BMERB1: variants seen among roughly 807,000 people sequenced by gnomAD.
The protein encoded by BMERB1 is bMERB domain-containing protein 1.
Under a neutral mutation model 23.6 loss-of-function variants are expected in BMERB1, and 12 were observed. The observed-to-expected ratio is 0.51, with a 90% confidence interval of 0.33 to 0.82. The LOEUF (loss-of-function observed/expected upper bound fraction) is 0.82, where lower values mean the gene tolerates loss of function less well. Among genes scored for constraint, BMERB1 ranks in the 40% least tolerant of loss-of-function variants. BMERB1 has a pLI of 0.03. For missense variants in BMERB1, 247 were observed against 255.4 expected (o/e 0.97, Z 0.22); for synonymous variants, 122 against 96.6 (o/e 1.26, Z -1.54).
intron 1 of BMERB1, among the ~76,000 whole-genome samples, chr16:15,497,856 C>T (rs1186003999): frequency 1.3e-5 from 2 of 152,168 alleles, no homozygotes; most frequent in South Asian, 2.1e-4. Context: ...GTGGTTATCA[C>T]AGCAGCGTTC....
intron 1 of BMERB1, among the ~76,000 whole-genome samples, chr16:15,478,040 T>TA (rs1396492986): frequency 6.6e-6 from 1 of 152,210 alleles, no homozygotes; most frequent in Non-Finnish European, 1.5e-5. Flanking sequence ...TTTTGACTTT[T>TA]AATGAGTCAA....
intron 3 of BMERB1, among the ~76,000 whole-genome samples, chr16:15,579,670 A>AT (rs796426274): frequency 4.6e-5 from 7 of 150,604 alleles, no homozygotes; most frequent in African/African-American, 1.5e-4. Context: ...TCTTTTTTTT[A>AT]TTTTTTCTCT....
intron 1 of BMERB1, among the ~76,000 whole-genome samples, chr16:15,464,110 C>T (rs1405110353): frequency 6.6e-6 from 1 of 151,770 alleles, no homozygotes; most frequent in Admixed American, 6.6e-5. Context: ...GTCAGGAGTT[C>T]GAGACCAGCC....
rs527332166 is a variant in BMERB1 at position 15,516,195 on chromosome 16, G to A, written c.230+767G>A. On this transcript the variant is annotated intron_variant, in intron 2 of 5. Coordinates refer to ENST00000300006, the MANE Select transcript of BMERB1 (RefSeq NM_033201.3). ...TCACAGCACTTTGGGAGGCTGAGGC[G>A]GGATGATCGCTTGAGCCCAGGAGTT... Among the ~76,000 whole-genome samples the A allele has an allele frequency of 5.3e-5, 8 of 152,144 alleles. No individual in the cohort carries two copies. In the South Asian group the frequency reaches 8.3e-4, roughly 16 times the overall value.
intron 1 of BMERB1, among the ~76,000 whole-genome samples, chr16:15,448,697 C>T (rs1454507411): frequency 2.6e-5 from 4 of 152,162 alleles, no homozygotes; most frequent in African/African-American, 7.2e-5. Flanking sequence ...GAGGCTGAGG[C>T]ATGAGAATCG....
chr16:15,468,188 A>G (rs1240562610), intron 1 of BMERB1, among the ~76,000 whole-genome samples: 3 of 110,678 alleles, frequency 2.7e-5, no homozygotes, highest in Admixed American at 1.4e-4. Flanking sequence ...GTCTGTCACC[A>G]AGTCTGGAGT....
At chr16:15,537,741 T>G (rs1800663723) in intron 2 of BMERB1, among the ~76,000 whole-genome samples, 1 of 151,788 alleles carries the variant, frequency 6.6e-6, no homozygotes, top group South Asian at 2.1e-4. Context: ...TACTGCAGCC[T>G]TGAACTCCTG....
At chr16:15,464,571 G>A (rs1042338574) in intron 1 of BMERB1, among the ~76,000 whole-genome samples, 3 of 152,158 alleles carry the variant, frequency 2.0e-5, no homozygotes, top group African/African-American at 7.2e-5. Flanking sequence ...GTAAACAAGA[G>A]GTGGATTATT....
At chr16:15,505,371 G>C (rs1182128222) in intron 1 of BMERB1, among the ~76,000 whole-genome samples, 1 of 152,156 alleles carries the variant, frequency 6.6e-6, no homozygotes, top group Non-Finnish European at 1.5e-5. Context: ...TTTGGTGCTA[G>C]CTTTGTCTTT....
At chr16:15,539,608 C>T (rs2052059171) in intron 2 of BMERB1, among the ~76,000 whole-genome samples, 1 of 151,880 alleles carries the variant, frequency 6.6e-6, no homozygotes, top group Non-Finnish European at 1.5e-5. Flanking sequence ...CTTTGGGAGG[C>T]CTAGGTGGGA....
chr16:15,520,101 A>G (rs771961233), intron 2 of BMERB1, among the ~76,000 whole-genome samples: 1 of 152,036 alleles, frequency 6.6e-6, no homozygotes, highest in Non-Finnish European at 1.5e-5. Context: ...ACCCCAATAG[A>G]GTAAGTTCTA....
chr16:15,540,470 G>T (rs1486473352), intron 2 of BMERB1, among the ~76,000 whole-genome samples: 1 of 152,052 alleles, frequency 6.6e-6, no homozygotes, highest in African/African-American at 2.4e-5. Context: ...AGGTTGCAGT[G>T]AGCTGAGATT....
intron 5 of BMERB1, among the ~76,000 whole-genome samples, chr16:15,585,354 A>G (rs2031114995): frequency 6.6e-6 from 1 of 152,202 alleles, no homozygotes; most frequent in Non-Finnish European, 1.5e-5. Flanking sequence ...CCAACTTTAC[A>G]CTACTCATCT....
intron 1 of BMERB1, among the ~76,000 whole-genome samples, chr16:15,488,683 A>T (rs997786613): frequency 3.3e-5 from 5 of 151,272 alleles, no homozygotes; most frequent in African/African-American, 1.2e-4. Context: ...AAAAAAAAAA[A>T]AATACAAAAA....
intron 1 of BMERB1, among the ~76,000 whole-genome samples, chr16:15,488,635 C>T (rs1316681475): frequency 6.7e-6 from 1 of 150,268 alleles, no homozygotes; most frequent in Non-Finnish European, 1.5e-5. Flanking sequence ...AGAGCAAGAC[C>T]GTCCTGGCTA....
chr16:15,446,586 A>G (rs980008604), intron 1 of BMERB1, among the ~76,000 whole-genome samples: 4 of 152,150 alleles, frequency 2.6e-5, no homozygotes, highest in African/African-American at 4.8e-5. Context: ...AGGTTAAGCA[A>G]TTGGCCCAAT....
intron 1 of BMERB1, among the ~76,000 whole-genome samples, chr16:15,481,793 C>T (rs578086291): frequency 1.3e-4 from 19 of 150,810 alleles, no homozygotes; most frequent in African/African-American, 3.4e-4. Flanking sequence ...AGCATGATCT[C>T]GGGTCACTGC....
At chr16:15,523,619 G>A (rs1346012270) in intron 2 of BMERB1, among the ~76,000 whole-genome samples, 2 of 152,142 alleles carry the variant, frequency 1.3e-5, no homozygotes, top group African/African-American at 4.8e-5. Context: ...CTTACCAACT[G>A]TGTGGCCTGG....
intron 1 of BMERB1, among the ~76,000 whole-genome samples, chr16:15,436,157 C>T (rs566092930): frequency 1.1e-4 from 16 of 152,182 alleles, no homozygotes; most frequent in African/African-American, 3.9e-4. Flanking sequence ...GTATCCAAAA[C>T]CTCAAGCATT....
Sources: gnomAD v4.1 joint callset for allele counts (sites outside exome capture counted in the v4.1 genomes callset) on GRCh38, gnomAD v4.1.1 for gene constraint, MANE v1.5 for transcripts, NCBI Gene and HGNC (gene_info 2026-07-23, HGNC 2026-07-21) for gene names.